The following NAV1 variants were observed in gnomAD, a reference collection of about 807,000 sequenced individuals.
NAV1 encodes the protein pore membrane and/or filament interacting like protein 3.
Under a neutral mutation model 175.2 loss-of-function variants are expected in NAV1, and 18 were observed. That is an observed-to-expected ratio of 0.10 (90% CI 0.07 to 0.15). The LOEUF is 0.15. NAV1 is among the 10% of genes least tolerant of loss of function. The pLI is 1.00. For synonymous variants in NAV1, 897 were observed against 978.7 expected (o/e 0.92, Z 1.56); for missense variants, 1,731 against 2,436.6 (o/e 0.71, Z 6.10).
At chr1:201,566,823 G>A (rs376825079) in intron 1 of NAV1, among the ~76,000 whole-genome samples, 1 of 151,358 alleles carries the variant, frequency 6.6e-6, no homozygotes, top group Non-Finnish European at 1.5e-5. Flanking sequence ...AGGCAGGTTT[G>A]TCTACCTGAG....
chr1:201,800,509 T>C (rs927189339), intron 15 of NAV1, among the ~76,000 whole-genome samples: 30 of 152,206 alleles, frequency 2.0e-4, no homozygotes, highest in Admixed American at 4.6e-4. Flanking sequence ...GCTTTCATGC[T>C]ATAACAGCAG....
At chr1:201,642,547 T>TTC (rs1462290258) in intron 2 of NAV1, among the ~76,000 whole-genome samples, 1 of 110,218 alleles carries the variant, frequency 9.1e-6, no homozygotes, top group Admixed American at 8.5e-5. Context: ...CTTTCTTTCT[T>TTC]TCTTTCTTTT....
At chr1:201,618,506 C>A (rs1397695101), upstream of NAV1, among the ~76,000 whole-genome samples, 2 of 152,240 alleles carry the variant, frequency 1.3e-5, no homozygotes, top group East Asian at 3.9e-4. Context: ...CACTCCCCAC[C>A]CCCAACTCTA....
At chr1:201,593,734 T>C (rs1202759254) in intron 2 of NAV1, among the ~76,000 whole-genome samples, 1 of 152,206 alleles carries the variant, frequency 6.6e-6, no homozygotes, top group Non-Finnish European at 1.5e-5. Context: ...GTACATATTC[T>C]TTTTCCTCTC....
chr1:201,785,994 T>C (rs1182283580), intron 8 of NAV1, among the ~76,000 whole-genome samples: 2 of 152,012 alleles, frequency 1.3e-5, no homozygotes, highest in African/African-American at 4.8e-5. Flanking sequence ...GGTTTCACCA[T>C]GTTGGCCAGG....
chr1:201,645,278 A>G (rs1316383065), upstream of NAV1, among the ~76,000 whole-genome samples: 6 of 151,854 alleles, frequency 4.0e-5, no homozygotes, highest in East Asian at 5.8e-4. Flanking sequence ...GGAAACCATC[A>G]TTCTCAGCAA....
intron 1 of NAV1, among the ~76,000 whole-genome samples, chr1:201,582,819 C>T (rs1666904893): frequency 1.3e-5 from 2 of 152,226 alleles, no homozygotes; most frequent in African/African-American, 2.4e-5. Context: ...TCAACAGCCC[C>T]TGCCTGCTGA....
intron 2 of NAV1, among the ~76,000 whole-genome samples, chr1:201,607,413 C>A (rs572611688): frequency 6.6e-6 from 1 of 151,474 alleles, no homozygotes; most frequent in Admixed American, 6.6e-5. Context: ...CCATGCCAGG[C>A]CAAATAATTT....
At chr1:201,779,093 C>A (rs1447486556) in intron 3 of NAV1, among the ~76,000 whole-genome samples, 1 of 151,950 alleles carries the variant, frequency 6.6e-6, no homozygotes, top group African/African-American at 2.4e-5. Flanking sequence ...TTTTTAAGGT[C>A]CAAAAGGAAT....
intron 1 of NAV1, among the ~76,000 whole-genome samples, chr1:201,667,554 A>G (rs78972668): frequency 0.025 from 3,844 of 152,240 alleles, 162 homozygotes; most frequent in African/African-American, 0.086. Flanking sequence ...ATCTATTCCT[A>G]TCCTGTGATT....
rs1337831622 is a variant in NAV1, at chr1:201,787,647, G to T, written c.2996-821G>T. The T allele has an allele frequency of 2.2e-6, 1 of 456,106 alleles. No individual in the cohort carries two copies. Among genetic ancestry groups the T allele is most frequent in the African/African-American group, 2.0e-5 (1 of 50,068 alleles). 28.3% of individuals were successfully genotyped at this position (456,106 alleles called of 1,614,324 possible). On this transcript the variant is annotated intron_variant, in intron 9 of 29. Transcript: ENST00000367296. This position sits in a 1 kb window ranked among gnomAD's most constrained non-coding sequence, Gnocchi z 4.3. ...ACAGAGAGGTGTGCCATCTTCTTCT[G>T]CACAGGTCTTTATGGACAGATTAGA...
intron 2 of NAV1, among the ~76,000 whole-genome samples, chr1:201,642,620 C>T (rs1668828401): frequency 6.9e-6 from 1 of 145,398 alleles, no homozygotes; most frequent in Non-Finnish European, 1.5e-5. Flanking sequence ...CCTTCCTTCC[C>T]TTTCCTTTTC....
At chr1:201,748,137 T>C (rs1343781571) in intron 3 of NAV1, among the ~76,000 whole-genome samples, 1 of 152,224 alleles carries the variant, frequency 6.6e-6, no homozygotes, top group Non-Finnish European at 1.5e-5. Context: ...AATTATTACC[T>C]TTGCAGTATA....
intron 3 of NAV1, among the ~76,000 whole-genome samples, chr1:201,720,852 C>T (rs911465913): frequency 6.6e-6 from 1 of 151,786 alleles, no homozygotes; most frequent in Non-Finnish European, 1.5e-5. Context: ...ATGATTCTTA[C>T]CGTCAGGGGT....
Position 201,782,182 on chromosome 1 carries a change from C to A in NAV1, c.1670C>A (p.Pro557His). The A allele has an allele frequency of 6.3e-7, 1 of 1,582,762 alleles. No individual in the cohort carries two copies. Among genetic ancestry groups the A allele is most frequent in the Non-Finnish European group, 8.6e-7 (1 of 1,164,550 alleles). Residue 557 changes from proline (P) to histidine (H), a missense_variant, in exon 6 of 30, where the codon CCT becomes CAT. This residue lies in a region of NAV1 where 634 missense variants were observed against 766.8 expected (regional missense o/e 0.83). Coordinates refer to ENST00000367296, the Ensembl canonical transcript of NAV1. The surrounding 1 kb of genome is among the most constrained non-coding windows in gnomAD (Gnocchi z 5.4). ...ATTTCCCGTCCTCTTGCAGGCAAAC[C>A]TGAGGGCAAAGCTACAGACAAGGGT... is the stretch of plus-strand genomic sequence containing the variant.
In NAV1 at chr1:201,813,779, C is replaced by T. The variant is rs1023876651; in HGVS notation, c.5340+521C>T. On this transcript the variant is annotated intron_variant, in intron 28 of 29. Transcript: ENST00000367296. The surrounding 1 kb of genome is among the most constrained non-coding windows in gnomAD (Gnocchi z 4.2). ...TTTTTAAAAGTTAGAATAAGGAGAC[C>T]GGGCGTGGTGGGTCATGCCTGTAAT... Among the ~76,000 whole-genome samples the T allele has an allele frequency of 4.6e-5, 7 of 152,074 alleles. No individual in the cohort carries two copies. The highest frequency in any genetic ancestry group is 1.9e-4 in the East Asian group (1 of 5,196).
Position 201,813,098 on chromosome 1 carries a change from C to A in NAV1, c.5222-42C>A, listed in dbSNP as rs372232207. On this transcript the variant is annotated intron_variant, in intron 27 of 29. Coordinates refer to ENST00000367296, the Ensembl canonical transcript of NAV1. The surrounding 1 kb of genome is among the most constrained non-coding windows in gnomAD (Gnocchi z 4.2). Reference sequence around the variant, plus strand: ...AAAAGAGGCACACAACCGGGAAGATCTAGGTTCCCAGCCATCTTCATGGCC... The same window carrying A: ...AAAAGAGGCACACAACCGGGAAGATATAGGTTCCCAGCCATCTTCATGGCC... 6 of 1,426,878 alleles carry A rather than the reference C, an allele frequency of 4.2e-6. No homozygotes were observed. Among genetic ancestry groups the A allele is most frequent in the Non-Finnish European group, 5.9e-6 (6 of 1,012,730 alleles). The allele number at this position is 1,426,878 out of a possible 1,614,324, so 88.4% of individuals were successfully genotyped here.
chr1:201,642,035 C>T (rs529485158), intron 2 of NAV1, among the ~76,000 whole-genome samples: 1 of 149,102 alleles, frequency 6.7e-6, no homozygotes, highest in Non-Finnish European at 1.5e-5. Flanking sequence ...CTTCCTTCCT[C>T]CTTCCTTTCC....
At chr1:201,748,568 G>A (rs1460098322) in intron 3 of NAV1, among the ~76,000 whole-genome samples, 1 of 152,186 alleles carries the variant, frequency 6.6e-6, no homozygotes, top group Non-Finnish European at 1.5e-5. Flanking sequence ...CTTGCAGGAG[G>A]GAGGAAATCA....
Sources: gnomAD v4.1 joint callset for allele counts (sites outside exome capture counted in the v4.1 genomes callset) on GRCh38, gnomAD v4.1.1 for gene constraint, gnomAD v4.1.1 regional missense constraint, Gnocchi (gnomAD v3.1) non-coding constraint, MANE v1.5 for transcripts, NCBI Gene and HGNC (gene_info 2026-07-23, HGNC 2026-07-21) for gene names.